The following ZNF577 variants were observed in gnomAD, a reference collection of about 807,000 sequenced individuals.
The protein encoded by ZNF577 is zinc finger protein 577.
A neutral mutation model predicts 13.9 loss-of-function variants in ZNF577; 14 were observed. That is an observed-to-expected ratio of 1.00 (90% CI 0.66 to 1.57). ZNF577 has a LOEUF of 1.57. Among genes scored for constraint, ZNF577 ranks in the 40% most tolerant of loss-of-function variants. The pLI, the probability that ZNF577 is intolerant of heterozygous loss-of-function variation, is 0.00. For missense variants in ZNF577, 555 were observed against 579.2 expected, an observed-to-expected ratio of 0.96 and a Z score of 0.43; for synonymous variants, 203 against 202.9, an observed-to-expected ratio of 1.00 and a Z score of 0.00.
At chr19:51,839,404 A>G (rs956248927) in intron 9 of ZNF577, among the ~76,000 whole-genome samples, 1 of 152,150 alleles carries the variant, frequency 6.6e-6, no homozygotes, top group Admixed American at 6.5e-5. Context: ...TAATGATTAA[A>G]CATAATAATA....
intron 9 of ZNF577, among the ~76,000 whole-genome samples, chr19:51,815,880 AAAAAAG>A (rs2084132546): frequency 6.9e-6 from 1 of 144,138 alleles, no homozygotes; most frequent in Non-Finnish European, 1.5e-5. Context: ...AAGAAAAAAG[AAAAAAG>A]AAAAAGAAGA....
At chr19:51,863,298 T>C (rs1355198509), downstream of ZNF577, 1 of 152,228 alleles carries the variant, frequency 6.6e-6, no homozygotes, top group African/African-American at 2.4e-5. Flanking sequence ...CTGGATGTTA[T>C]GAAAGCTAGT....
At chr19:51,830,397 T>C (rs2084256070) in intron 9 of ZNF577, among the ~76,000 whole-genome samples, 1 of 152,214 alleles carries the variant, frequency 6.6e-6, no homozygotes, top group South Asian at 2.1e-4. Flanking sequence ...ACTTCCAGTT[T>C]CTTTCTCTAC....
At chr19:51,822,525 C>T (rs1273960376) in intron 9 of ZNF577, among the ~76,000 whole-genome samples, 1 of 152,160 alleles carries the variant, frequency 6.6e-6, no homozygotes, top group African/African-American at 2.4e-5. Context: ...GATTAAAGAT[C>T]TTTGTCTACT....
In ZNF577 at chr19:51,868,702, CAT is replaced by C. The variant is rs79795976; in HGVS notation, c.*3828_*3829del. Among the ~76,000 whole-genome samples the C allele has an allele frequency of 0.12, 18,508 of 152,172 alleles. 1,239 individuals carry two copies. Among genetic ancestry groups the C allele is most frequent in the East Asian group, 0.25 (1,275 of 5,152 alleles). ...CTTGAACACCCAGATAGAATTCACT[CAT>C]GTGTGTGGGGGAAAGAAAGATAGAT... On this transcript the variant is annotated 3_prime_UTR_variant, in exon 6 of 6. Transcript: ENST00000638348.
Position 51,872,386 on chromosome 19 carries a change from A to G in ZNF577, c.*146T>C, listed in dbSNP as rs1047889609. On this transcript the variant is annotated 3_prime_UTR_variant, in exon 6 of 6. Transcript: ENST00000638348. ...TGCATTTCTACCCAACATGATTTCA[A>G]TGGTGTTTAACAGGTTTGACTTCTC... 5 of 633,054 alleles carry G rather than the reference A, an allele frequency of 7.9e-6. No individual in the cohort carries two copies. Among genetic ancestry groups the G allele is most frequent in the African/African-American group, 3.7e-5 (2 of 54,156 alleles). 39.2% of individuals were successfully genotyped at this position (633,054 alleles called of 1,614,324 possible).
chr19:51,852,648 T>C (rs1689640049), intron 5 of ZNF577, among the ~76,000 whole-genome samples: 1 of 152,198 alleles, frequency 6.6e-6, no homozygotes, highest in African/African-American at 2.4e-5. Context: ...AAAGTGCTCC[T>C]GGCTTTCTCT....
rs961545517 is a variant in ZNF577 at position 51,824,525 on chromosome 19, A to G, written c.*600-12851T>C. On this transcript the variant is annotated intron_variant and NMD_transcript_variant, in intron 9 of 10. Transcript: ENST00000638827. This position sits in a 1 kb window ranked among gnomAD's most constrained non-coding sequence, Gnocchi z 4.7. ...TCATCTGTTGGTTCCCTTATGAACT[A>G]ATTGGCATTCTAATGGCAGTCTGGC... is the stretch of plus-strand genomic sequence containing the variant. The G allele has an allele frequency of 2.5e-6, 4 of 1,614,074 alleles. No homozygotes were observed. The highest frequency in any genetic ancestry group is 3.4e-6 in the Non-Finnish European group (4 of 1,179,974).
chr19:51,852,933 CTTTT>C (rs112665914), intron 5 of ZNF577, among the ~76,000 whole-genome samples: 1 of 144,022 alleles, frequency 6.9e-6, no homozygotes, highest in Non-Finnish European at 1.5e-5. Flanking sequence ...GTTTTCTTTT[CTTTT>C]TTTTTTTCTT....
At chr19:51,878,611 A>T (rs1377471057) in intron 3 of ZNF577, 96 bp from the exon 4 acceptor site, 2 of 1,442,004 alleles carry the variant, frequency 1.4e-6, no homozygotes, top group Non-Finnish European at 1.9e-6. Context: ...CTCCATGACA[A>T]CGTATGCACA....
intron 9 of ZNF577, among the ~76,000 whole-genome samples, chr19:51,817,389 A>AAG (rs910161184): frequency 1.8e-4 from 27 of 150,954 alleles, no homozygotes; most frequent in South Asian, 1.0e-3. Flanking sequence ...AGAAATCATA[A>AAG]AGAGAGAGAG....
chr19:51,879,752 A>G (rs766411314), intron 3 of ZNF577, among the ~76,000 whole-genome samples: 1 of 152,160 alleles, frequency 6.6e-6, no homozygotes, highest in Admixed American at 6.5e-5. Flanking sequence ...TTGGGCAGAA[A>G]AAGGGTGAAA....
At chr19:51,860,772 T>C (rs2084488728) in intron 5 of ZNF577, 1 of 286,582 alleles carries the variant, frequency 3.5e-6, no homozygotes, top group African/African-American at 2.4e-5. Flanking sequence ...TCCTCTTGTA[T>C]GAGTTTGCTA....
chr19:51,816,954 T>G (rs1424113455), intron 9 of ZNF577, among the ~76,000 whole-genome samples: 1 of 152,202 alleles, frequency 6.6e-6, no homozygotes, highest in African/African-American at 2.4e-5. Context: ...TTTCCTCTCA[T>G]TTTTTCACCT....
intron 10 of ZNF577, among the ~76,000 whole-genome samples, chr19:51,805,720 A>C (rs2084054266): frequency 6.6e-6 from 1 of 152,184 alleles, no homozygotes; most frequent in Non-Finnish European, 1.5e-5. Context: ...TTCTCTACGT[A>C]CTGAGCCGTT....
chr19:51,872,346 C>A lies in ZNF577; in HGVS notation c.*186G>T. The A allele has an allele frequency of 5.7e-6, 3 of 525,444 alleles. No homozygotes were observed. The highest frequency in any genetic ancestry group is 1.0e-5 in the Non-Finnish European group (3 of 301,300). The allele number at this position is 525,444 out of a possible 1,614,324, so 32.5% of individuals were successfully genotyped here. On this transcript the variant is annotated 3_prime_UTR_variant, in exon 6 of 6. Transcript: ENST00000638348. ...TTGAGATATCATCTCCAGGTAAAGA[C>A]TTCCTCATAACAGCTGCATTTCTAC...
At position 51,880,753 on chromosome 19, in the gene ZNF577, G is replaced by T; in HGVS notation, c.-94C>A. ...TGTTCTCTCTCTTCTGTCTATTCTG[G>T]GCCTTCCCAGAAGTGGTGGTCAGGT... On this transcript the variant is annotated 5_prime_UTR_variant, in exon 2 of 6. Transcript: ENST00000638348. The T allele has an allele frequency of 4.7e-6, 1 of 211,288 alleles. No homozygotes were observed. Among genetic ancestry groups the T allele is most frequent in the Non-Finnish European group, 9.6e-6 (1 of 104,580 alleles). 13.1% of individuals were successfully genotyped at this position (211,288 alleles called of 1,614,324 possible). A position where few individuals can be genotyped will look rare whatever the true frequency, so the allele number is the denominator to read the frequency against.
intron 5 of ZNF577, among the ~76,000 whole-genome samples, chr19:51,853,162 CCTG>C (rs2084388072): frequency 6.6e-6 from 1 of 152,190 alleles, no homozygotes; most frequent in Non-Finnish European, 1.5e-5. Flanking sequence ...GTCTCGAACT[CCTG>C]AGCTCAAATG....
chr19:51,821,272 C>T (rs2084186683), intron 9 of ZNF577, among the ~76,000 whole-genome samples: 1 of 152,142 alleles, frequency 6.6e-6, no homozygotes, highest in South Asian at 2.1e-4. Context: ...ATAAGAGTAG[C>T]GATCTAACTG....
Sources: allele counts gnomAD v4.1 joint callset (sites outside exome capture counted in the v4.1 genomes callset), GRCh38; gene constraint gnomAD v4.1.1; non-coding constraint Gnocchi (gnomAD v3.1); transcripts MANE v1.5; gene names NCBI Gene and HGNC (gene_info 2026-07-23, HGNC 2026-07-21).